AXDND1: variants seen among roughly 807,000 people sequenced by gnomAD.
AXDND1 encodes axonemal dynein light chain domain-containing protein 1.
Under a neutral mutation model 137.5 loss-of-function variants are expected in AXDND1, and 110 were observed. The ratio of observed to expected loss-of-function variants is 0.80; its 90% CI spans 0.69 to 0.94. The LOEUF is 0.94. Ranked by LOEUF, AXDND1 falls within the 40% of genes least tolerant of loss-of-function variation. AXDND1 has a pLI of 0.00. For synonymous variants in AXDND1, 414 were observed against 399.7 expected (o/e 1.04, Z -0.43); for missense variants, 1,191 against 1,169.8 (o/e 1.02, Z -0.26).
chr1:179,473,303 G>A (rs1664190171), intron 17 of AXDND1, among the ~76,000 whole-genome samples: 1 of 151,938 alleles, frequency 6.6e-6, no homozygotes, highest in African/African-American at 2.4e-5. Flanking sequence ...TTCAAGACCA[G>A]CCTGGCCAAC....
chr1:179,452,016 C>T (rs1385712768), intron 16 of AXDND1: 1 of 152,592 alleles, frequency 6.6e-6, no homozygotes, highest in East Asian at 1.9e-4. Context: ...GTTTGGAGGG[C>T]TTAGAAGAAG....
chr1:179,498,829 C>T (rs1051455438), intron 20 of AXDND1, among the ~76,000 whole-genome samples: 2 of 152,018 alleles, frequency 1.3e-5, no homozygotes, highest in African/African-American at 4.8e-5. Context: ...TGAAAAAATT[C>T]TCAGCATCAC....
chr1:179,466,282 C>CTTTTTTTTTTTTTTTTTTTTTTTTT (rs1491121382), intron 16 of AXDND1, among the ~76,000 whole-genome samples: 1 of 95,652 alleles, frequency 1.0e-5, no homozygotes, highest in East Asian at 3.5e-4. Flanking sequence ...TCTTCTTCTT[C>CTTTTTTTTTTTTTTTTTTTTTTTTT]TTCTTTTTTT....
rs192022269 is a variant in AXDND1 at position 179,510,032 on chromosome 1, C to T, written c.2496+629C>T. Among the ~76,000 whole-genome samples the T allele has an allele frequency of 4.6e-5, 7 of 152,284 alleles. No homozygotes were observed. In the East Asian group the frequency reaches 7.7e-4, roughly 17 times the overall value. ...TTCAATTTTGTATTTAACCTGGCTT[C>T]TGTGTAGCATTTGGCTCTCTTAACC... On this transcript the variant is annotated intron_variant, in intron 21 of 25. Coordinates refer to ENST00000367618, the MANE Select transcript of AXDND1 (RefSeq NM_144696.6).
chr1:179,404,513 C>T (rs142994497), intron 11 of AXDND1, among the ~76,000 whole-genome samples: 168 of 152,252 alleles, frequency 1.1e-3, no homozygotes, highest in African/African-American at 3.3e-3. Flanking sequence ...TGAGCCACCA[C>T]ACCTGGCTGA....
At chr1:179,484,738 C>T (rs1049275525) in intron 18 of AXDND1, among the ~76,000 whole-genome samples, 40 of 152,314 alleles carry the variant, frequency 2.6e-4, no homozygotes, top group African/African-American at 9.4e-4. Flanking sequence ...GCCCCTCCTT[C>T]CCCACCAGTG....
chr1:179,413,894 C>T (rs72717587), intron 12 of AXDND1, among the ~76,000 whole-genome samples: 6,950 of 152,082 alleles, frequency 0.046, 235 homozygotes, highest in Non-Finnish European at 0.069. Flanking sequence ...TCTGCATCCT[C>T]GTCAACATCT....
intron 25 of AXDND1, among the ~76,000 whole-genome samples, chr1:179,541,488 T>TG (rs1288307494): frequency 6.6e-6 from 1 of 151,960 alleles, no homozygotes; most frequent in African/African-American, 2.4e-5. Context: ...TGTTTTTTTT[T>TG]TTTTTTTAAT....
rs1318714171 is a variant in AXDND1 at position 179,366,001 on chromosome 1, G to C, written c.-107+1G>C. 2 of 152,968 alleles carry C rather than the reference G, an allele frequency of 1.3e-5. No individual in the cohort carries two copies. Among genetic ancestry groups the C allele is most frequent in the African/African-American group, 4.8e-5 (2 of 41,486 alleles). The allele number at this position is 152,968 out of a possible 1,614,324, so 9.5% of individuals were successfully genotyped here. On this transcript the variant is annotated splice_donor_variant, in intron 1 of 25. Transcript: ENST00000367618. LOFTEE classifies it low-confidence loss of function (5UTR_SPLICE). ...GAGGAAGTGAGCGGATGCTGGGCGG[G>C]TACGCAATGTGTGGGTAGGATCGCG...
At chr1:179,541,970 A>C (rs1672211759) in intron 25 of AXDND1, among the ~76,000 whole-genome samples, 1 of 152,206 alleles carries the variant, frequency 6.6e-6, no homozygotes, top group African/African-American at 2.4e-5. Flanking sequence ...AAGAAACAGG[A>C]TATGACATCA....
chr1:179,508,748 G>A (rs770879076), intron 20 of AXDND1, among the ~76,000 whole-genome samples: 4 of 151,910 alleles, frequency 2.6e-5, no homozygotes, highest in Non-Finnish European at 5.9e-5. Context: ...AGACCACATA[G>A]ATTAGAATCC....
chr1:179,393,969 A>G lies in AXDND1; in HGVS notation c.930A>G (p.Val310=). The G allele has an allele frequency of 1.2e-6, 2 of 1,612,144 alleles. No homozygotes were observed. Among genetic ancestry groups the G allele is most frequent in the South Asian group, 1.1e-5 (1 of 90,726 alleles). ...RQMIDFYKDL[V]TQRVMDQRIL... is the part of the protein sequence containing the mutation. The stretch of plus-strand genomic sequence containing the variant: ...TGATTGATTTCTACAAAGACTTGGT[A>G]ACTCAGCGAGTGATGGACCAGCGCA... Residue 310 remains valine, a synonymous_variant, in exon 10 of 26, where the codon GTA becomes GTG. Coordinates refer to ENST00000367618, the MANE Select transcript of AXDND1 (RefSeq NM_144696.6).
At chr1:179,467,014 T>C (rs1302790697) in intron 16 of AXDND1, among the ~76,000 whole-genome samples, 1 of 152,178 alleles carries the variant, frequency 6.6e-6, no homozygotes, top group African/African-American at 2.4e-5. Flanking sequence ...CCAGGACCTC[T>C]ACTCCTTAGC....
chr1:179,378,258 A>T (rs953971815), intron 4 of AXDND1, among the ~76,000 whole-genome samples: 5 of 152,168 alleles, frequency 3.3e-5, no homozygotes, highest in African/African-American at 1.2e-4. Context: ...AGTTTATTAT[A>T]GGTCAAAGGG....
chr1:179,552,657 C>A, intron 25 of AXDND1: 1 of 1,613,928 alleles, frequency 6.2e-7, no homozygotes, highest in Non-Finnish European at 8.5e-7. Flanking sequence ...AGTGCTGAAG[C>A]CCAGCTGGCA....
At chr1:179,477,975 C>A (rs901261447) in intron 17 of AXDND1, among the ~76,000 whole-genome samples, 4 of 151,516 alleles carry the variant, frequency 2.6e-5, no homozygotes, top group African/African-American at 4.8e-5. Flanking sequence ...TCCGGCAGGG[C>A]AGACAAATCT....
chr1:179,554,491 A>T lies in AXDND1; in HGVS notation c.3032-21A>T, dbSNP rs775006954. The T allele has an allele frequency of 1.5e-5, 25 of 1,613,960 alleles. No homozygotes were observed. The African/African-American group carries it at 2.7e-4, about 17-fold the overall frequency. On this transcript the variant is annotated intron_variant, in intron 25 of 25. Coordinates refer to ENST00000367618, the MANE Select transcript of AXDND1 (RefSeq NM_144696.6). ...TCCTACCCACATTTCTATTCTCTCC[A>T]CTTTGATTCCCCAAATACAGGTCAC...
At chr1:179,439,224 C>G (rs1558180389) in intron 15 of AXDND1, among the ~76,000 whole-genome samples, 1 of 152,158 alleles carries the variant, frequency 6.6e-6, no homozygotes, top group Non-Finnish European at 1.5e-5. Flanking sequence ...GTATAATCAG[C>G]ACAATTAGGG....
chr1:179,536,968 G>A (rs1402021365), intron 25 of AXDND1, among the ~76,000 whole-genome samples: 2 of 152,128 alleles, frequency 1.3e-5, no homozygotes, highest in African/African-American at 2.4e-5. Context: ...TATTCTCTTT[G>A]TAGCAATTAT....
Sources: gnomAD v4.1 joint callset for allele counts (sites outside exome capture counted in the v4.1 genomes callset) on GRCh38, gnomAD v4.1.1 for gene constraint, MANE v1.5 for transcripts, NCBI Gene and HGNC (gene_info 2026-07-23, HGNC 2026-07-21) for gene names.